CERKL: variants seen among roughly 807,000 people sequenced by gnomAD.
CERKL encodes CERK like autophagy regulator, also known as ceramide kinase-like protein.
Under a neutral mutation model 63.4 loss-of-function variants are expected in CERKL, and 61 were observed. The observed-to-expected ratio is 0.96, with a 90% CI of 0.78 to 1.19. The LOEUF is 1.19. CERKL is among the 50% of genes most tolerant of loss of function. The pLI is 0.00. For synonymous variants in CERKL, 250 were observed against 230.5 expected (o/e 1.08, Z -0.77); for missense variants, 675 against 655.5 (o/e 1.03, Z -0.33).
chr2:181,573,599 A>G (rs891478204), intron 3 of CERKL, among the ~76,000 whole-genome samples, 154 bp downstream of exon 3: 2 of 152,206 alleles, frequency 1.3e-5, no homozygotes, highest in African/African-American at 4.8e-5. Context: ...TAATTAAATT[A>G]TAACCCTCGA....
intron 2 of CERKL, among the ~76,000 whole-genome samples, chr2:181,576,862 T>A (rs959873978): frequency 7.9e-5 from 12 of 152,232 alleles, no homozygotes; most frequent in African/African-American, 2.9e-4. Context: ...AATGTCTGGC[T>A]GGTAAGGGGA....
In CERKL at chr2:181,577,116, T is replaced by C. The variant is rs373865852; in HGVS notation, c.482-3232A>G. On this transcript the variant is annotated intron_variant, in intron 2 of 12. Transcript: ENST00000410087. ...CAGGTTCCCAGGTGCTGACGATGTC[T>C]GCAAAGGGGCCACATTTTGAGAACC... is the stretch of plus-strand genomic sequence containing the variant. Among the ~76,000 whole-genome samples, 56 of 152,290 alleles carry C rather than the reference T, an allele frequency of 3.7e-4. 1 individual carries two copies. The highest frequency in any genetic ancestry group is 1.2e-3 in the African/African-American group (50 of 41,572).
At chr2:181,576,580 G>A (rs1684228803) in intron 2 of CERKL, among the ~76,000 whole-genome samples, 1 of 152,204 alleles carries the variant, frequency 6.6e-6, no homozygotes, top group African/African-American at 2.4e-5. Context: ...AGAAAGAGGT[G>A]AAGCACGGTG....
At chr2:181,569,047 C>G (rs74682416) in intron 3 of CERKL, among the ~76,000 whole-genome samples, 1 of 152,090 alleles carries the variant, frequency 6.6e-6, no homozygotes, top group Non-Finnish European at 1.5e-5. Flanking sequence ...CTCCCTCAAA[C>G]CTCTCCCCCA....
intron 2 of CERKL, 133 bp from the exon 3 acceptor site, chr2:181,574,017 C>A: frequency 2.5e-6 from 2 of 802,834 alleles, no homozygotes; most frequent in South Asian, 1.8e-5. Context: ...ATTTGAAATT[C>A]TTGCAAGAGT....
At position 181,558,286 on chromosome 2, in the gene CERKL, ACTATATATTAAACC is replaced by A. The variant is rs1688292665; in HGVS notation, c.820+266_820+279del. ...AACCATTCCATATACTGATGGTTTAACTATATATTAAACCCTTTACTAAACCAAACGTTAGTACT... is the reference window on the plus strand; with the variant it reads ...AACCATTCCATATACTGATGGTTTAACTTTACTAAACCAAACGTTAGTACT... On this transcript the variant is annotated intron_variant, in intron 5 of 12. Transcript: ENST00000410087. This position sits in a 1 kb window ranked among gnomAD's most constrained non-coding sequence, Gnocchi z 4.2. Among the ~76,000 whole-genome samples the A allele has an allele frequency of 1.3e-5, 2 of 152,296 alleles. No homozygotes were observed. Among genetic ancestry groups the A allele is most frequent in the South Asian group, 4.1e-4 (2 of 4,830 alleles).
At chr2:181,560,624 A>AGATT (rs1688398624) in intron 4 of CERKL, among the ~76,000 whole-genome samples, 1 of 152,310 alleles carries the variant, frequency 6.6e-6, no homozygotes, top group East Asian at 1.9e-4. Flanking sequence ...TTCAATTTGC[A>AGATT]GATTAGGAAA....
intron 11 of CERKL, among the ~76,000 whole-genome samples, chr2:181,544,392 G>A (rs1687636316): frequency 6.6e-6 from 1 of 152,098 alleles, no homozygotes; most frequent in Admixed American, 6.5e-5. Flanking sequence ...TCATTCTGAA[G>A]AACAGCCTGA....
chr2:181,612,225 C>T (rs908527350), intron 1 of CERKL, among the ~76,000 whole-genome samples: 1 of 152,178 alleles, frequency 6.6e-6, no homozygotes, highest in African/African-American at 2.4e-5. Flanking sequence ...CATGTAAAGA[C>T]CTTCTTCAAG....
At chr2:181,621,525 G>T (rs1686447794) in intron 1 of CERKL, among the ~76,000 whole-genome samples, 1 of 152,072 alleles carries the variant, frequency 6.6e-6, no homozygotes. Flanking sequence ...TTATACCTTG[G>T]CAGTCTACAT....
chr2:181,606,169 A>C (rs2105897157), intron 1 of CERKL, among the ~76,000 whole-genome samples: 1 of 147,694 alleles, frequency 6.8e-6, no homozygotes, highest in African/African-American at 2.5e-5. Flanking sequence ...AGAGGAGGGA[A>C]GACAGGAAGG....
intron 5 of CERKL, among the ~76,000 whole-genome samples, chr2:181,555,690 T>A (rs1442296543): frequency 2.0e-5 from 3 of 151,990 alleles, no homozygotes; most frequent in Non-Finnish European, 4.4e-5. Flanking sequence ...TTTTTAGTGA[T>A]AATGTGTGAC....
At position 181,602,113 on chromosome 2, in the gene CERKL, T is replaced by C. The variant is rs549727849; in HGVS notation, c.481+1724A>G. ...TTTTTGACAAGTCCCTCTACTCCTA[T>C]AAAATTGCTTTTACTGAATTGAGCT... On this transcript the variant is annotated intron_variant, in intron 2 of 12. Coordinates refer to ENST00000410087, the MANE Select transcript of CERKL (RefSeq NM_201548.5). 3.3e-5 allele frequency among the ~76,000 whole-genome samples: 5 copies of C among 152,340 alleles called. No homozygotes were observed. The South Asian group carries it at 1.0e-3, about 32-fold the overall frequency.
chr2:181,645,210 A>G (rs927881349), intron 1 of CERKL, among the ~76,000 whole-genome samples: 9 of 152,164 alleles, frequency 5.9e-5, no homozygotes, highest in African/African-American at 1.4e-4. Flanking sequence ...AAAGGGGGAG[A>G]GGGGAATACT....
chr2:181,618,102 A>C (rs1463572480), intron 1 of CERKL, among the ~76,000 whole-genome samples: 3 of 152,290 alleles, frequency 2.0e-5, no homozygotes, highest in Non-Finnish European at 2.9e-5. Context: ...GGAATGATAG[A>C]CAAAGGAGAC....
At chr2:181,547,115 A>G (rs549362882) in intron 10 of CERKL, among the ~76,000 whole-genome samples, 2 of 152,196 alleles carry the variant, frequency 1.3e-5, no homozygotes, top group South Asian at 4.2e-4. Context: ...ATGATTGTGG[A>G]GCCTCCCCAG....
At chr2:181,610,433 A>G (rs1027076766) in intron 1 of CERKL, among the ~76,000 whole-genome samples, 8 of 152,244 alleles carry the variant, frequency 5.3e-5, no homozygotes, top group African/African-American at 1.4e-4. Flanking sequence ...ATATGTATCA[A>G]AAGACTTTAA....
intron 1 of CERKL, among the ~76,000 whole-genome samples, chr2:181,653,675 A>G (rs1409462673): frequency 6.6e-6 from 1 of 152,236 alleles, no homozygotes; most frequent in Non-Finnish European, 1.5e-5. Flanking sequence ...TGTCACTCAC[A>G]TGTAGAATCT....
intron 2 of CERKL, among the ~76,000 whole-genome samples, chr2:181,577,860 AGCTG>A (rs1684322127): frequency 6.6e-6 from 1 of 152,144 alleles, no homozygotes; most frequent in African/African-American, 2.4e-5. Context: ...CTAATGTCAA[AGCTG>A]GGAAAGGAGC....
Sources: gnomAD v4.1 joint callset for allele counts (sites outside exome capture counted in the v4.1 genomes callset) on GRCh38, gnomAD v4.1.1 for gene constraint, Gnocchi (gnomAD v3.1) non-coding constraint, MANE v1.5 for transcripts, NCBI Gene and HGNC (gene_info 2026-07-23, HGNC 2026-07-21) for gene names.